UNC13C: variants seen among roughly 807,000 people sequenced by gnomAD.
UNC13C encodes the protein unc-13 homolog C.
A neutral mutation model predicts 245.4 loss-of-function variants in UNC13C; 174 were observed. The ratio of observed to expected loss-of-function variants is 0.71; its 90% CI spans 0.63 to 0.80. The LOEUF (loss-of-function observed/expected upper bound fraction) is 0.80, where lower values mean the gene tolerates loss of function less well. Among genes scored for constraint, UNC13C ranks in the 30% least tolerant of loss-of-function variants. The pLI is 0.00. For missense variants in UNC13C, 2,829 were observed against 2,602.9 expected, an observed-to-expected ratio of 1.09 and a Z score of -1.89; for synonymous variants, 992 against 895.1, an observed-to-expected ratio of 1.11 and a Z score of -1.93.
chr15:54,115,569 G>A (rs981689423), intron 2 of UNC13C, among the ~76,000 whole-genome samples: 1 of 152,004 alleles, frequency 6.6e-6, no homozygotes, highest in Non-Finnish European at 1.5e-5. Flanking sequence ...CATATAATGT[G>A]TAAAGATCAA....
At chr15:54,530,381 ACTGTCCCAATATTTC>A (rs1895681040) in intron 25 of UNC13C, among the ~76,000 whole-genome samples, 1 of 152,188 alleles carries the variant, frequency 6.6e-6, no homozygotes, top group South Asian at 2.1e-4. Context: ...AGTTTTAACT[ACTGTCCCAATATTTC>A]CTGCATAACC....
chr15:54,549,901 A>G (rs1044203438), intron 28 of UNC13C, among the ~76,000 whole-genome samples: 13 of 152,168 alleles, frequency 8.5e-5, no homozygotes, highest in African/African-American at 2.9e-4. Context: ...ATTTTCTTTC[A>G]TATATTAAAC....
the UNC13C span, among the ~76,000 whole-genome samples, chr15:53,876,455 G>A: frequency 7.4e-4 from 113 of 152,278 alleles, no homozygotes; most frequent in African/African-American, 1.9e-3. Flanking sequence ...GAGGCTCCAT[G>A]TTATCTACCA....
the UNC13C span, among the ~76,000 whole-genome samples, chr15:53,892,643 C>T: frequency 2.0e-5 from 3 of 151,994 alleles, no homozygotes; most frequent in Non-Finnish European, 4.4e-5. Flanking sequence ...CTCTGATATC[C>T]TTTCTTCCGC....
At chr15:53,920,261 C>T in the UNC13C span, among the ~76,000 whole-genome samples, 2 of 152,138 alleles carry the variant, frequency 1.3e-5, no homozygotes, top group Non-Finnish European at 2.9e-5. Flanking sequence ...TGGATTCTTT[C>T]TTTAGTCATC....
rs559921795 is a variant in UNC13C, at chr15:54,473,744, T to A, written c.4934-20864T>A. On this transcript the variant is annotated intron_variant, in intron 19 of 32. Coordinates refer to ENST00000260323, the MANE Select transcript of UNC13C (RefSeq NM_001080534.3). ...CTTTTTTCTTTTTTTAGTTTTTTTT[T>A]ATAAATTTATATATGTTTATGGGAT... 2.8e-4 allele frequency among the ~76,000 whole-genome samples: 42 copies of A among 152,078 alleles called. 1 individual carries two copies. The highest frequency in any genetic ancestry group is 1.3e-3 in the Admixed American group (20 of 15,236).
At chr15:54,531,794 C>T (rs1167948782) in intron 25 of UNC13C, among the ~76,000 whole-genome samples, 1 of 152,022 alleles carries the variant, frequency 6.6e-6, no homozygotes, top group Non-Finnish European at 1.5e-5. Flanking sequence ...GATATCACCA[C>T]AAAAAAGAAA....
intron 10 of UNC13C, among the ~76,000 whole-genome samples, chr15:54,292,846 C>G (rs1285188726): frequency 6.7e-6 from 1 of 149,456 alleles, no homozygotes; most frequent in African/African-American, 2.4e-5. Flanking sequence ...AAGATGATCT[C>G]TTCCTCTCTC....
chr15:54,470,825 G>T (rs1281404262), intron 19 of UNC13C, among the ~76,000 whole-genome samples: 1 of 150,850 alleles, frequency 6.6e-6, no homozygotes, highest in Non-Finnish European at 1.5e-5. Context: ...AGTTACTTGA[G>T]ATGTAACTTT....
At chr15:54,217,173 G>A (rs962732953) in intron 4 of UNC13C, among the ~76,000 whole-genome samples, 28 of 151,920 alleles carry the variant, frequency 1.8e-4, no homozygotes, top group African/African-American at 6.5e-4. Flanking sequence ...GAGGATCAAA[G>A]TAGTGTTTTT....
At chr15:54,446,529 C>A (rs1175929489) in intron 19 of UNC13C, among the ~76,000 whole-genome samples, 1 of 152,092 alleles carries the variant, frequency 6.6e-6, no homozygotes, top group Non-Finnish European at 1.5e-5. Context: ...AAGTTGGATT[C>A]CTAGGTATTT....
At chr15:53,893,183 T>C in the UNC13C span, among the ~76,000 whole-genome samples, 77 of 152,312 alleles carry the variant, frequency 5.1e-4, 1 homozygote, top group East Asian at 0.014. Context: ...ACCAGCGAAG[T>C]CTGCAGAACA....
At chr15:54,593,869 G>A (rs1898930167) in intron 30 of UNC13C, among the ~76,000 whole-genome samples, 2 of 152,124 alleles carry the variant, frequency 1.3e-5, no homozygotes, top group Non-Finnish European at 2.9e-5. Context: ...CATTGCTGGT[G>A]AACTAGGTGA....
chr15:53,990,136 G>C (rs1468195880), intron 1 of UNC13C, among the ~76,000 whole-genome samples: 3 of 151,964 alleles, frequency 2.0e-5, no homozygotes, highest in African/African-American at 7.2e-5. Flanking sequence ...CACTGAAAGA[G>C]AGATAGATAT....
intron 1 of UNC13C, among the ~76,000 whole-genome samples, chr15:53,988,855 C>T (rs1894260048): frequency 6.6e-6 from 1 of 151,916 alleles, no homozygotes. Context: ...GTTTCTCAAA[C>T]CTAGTATAGC....
intron 2 of UNC13C, among the ~76,000 whole-genome samples, chr15:54,022,350 C>A (rs1349364986): frequency 6.6e-6 from 1 of 151,914 alleles, no homozygotes; most frequent in Non-Finnish European, 1.5e-5. Flanking sequence ...TTCTCTGTCA[C>A]CCAGGCTGGA....
At chr15:54,022,939 A>G (rs1595728114) in intron 2 of UNC13C, among the ~76,000 whole-genome samples, 2 of 152,336 alleles carry the variant, frequency 1.3e-5, no homozygotes, top group South Asian at 4.1e-4. Flanking sequence ...CAAGACTAGA[A>G]CCCAACGAAT....
chr15:54,147,810 G>GTGTGTGTGTGTA (rs1164115157), intron 4 of UNC13C, among the ~76,000 whole-genome samples: 1 of 151,866 alleles, frequency 6.6e-6, no homozygotes, highest in East Asian at 1.9e-4. Context: ...GTGTGTGTGT[G>GTGTGTGTGTGTA]TATGTGTGTG....
At chr15:54,192,465 T>G (rs879268712) in intron 4 of UNC13C, among the ~76,000 whole-genome samples, 2 of 152,120 alleles carry the variant, frequency 1.3e-5, no homozygotes, top group Non-Finnish European at 2.9e-5. Flanking sequence ...CTTTTAGCCT[T>G]TATGTCTTTC....
Sources: allele counts gnomAD v4.1 joint callset (sites outside exome capture counted in the v4.1 genomes callset), GRCh38; gene constraint gnomAD v4.1.1; transcripts MANE v1.5; gene names NCBI Gene and HGNC (gene_info 2026-07-23, HGNC 2026-07-21).